Variants in HDAC9 observed in about 807,000 individuals in gnomAD.
HDAC9 encodes histone deacetylase 9.
In HDAC9, 41 loss-of-function variants were observed where a neutral mutation model predicts 139.4. The observed-to-expected ratio is 0.29, with a 90% CI of 0.23 to 0.38. The LOEUF is 0.38. HDAC9 is among the 10% of genes least tolerant of loss of function. The probability of loss-of-function intolerance (pLI) is 1.00; values close to 1 mark genes in which losing one functional copy is unlikely to be tolerated. For synonymous variants in HDAC9, 517 were observed against 476.2 expected (o/e 1.09, Z -1.12); for missense variants, 1,147 against 1,297.0 (o/e 0.88, Z 1.78).
chr7:18,723,624 T>G (rs1463313005), intron 12 of HDAC9, among the ~76,000 whole-genome samples: 1 of 152,182 alleles, frequency 6.6e-6, no homozygotes, highest in African/African-American at 2.4e-5. Flanking sequence ...TATACTATGA[T>G]GTAACATTTA....
intron 2 of HDAC9, among the ~76,000 whole-genome samples, chr7:18,168,003 A>G (rs1788123535): frequency 1.3e-5 from 2 of 152,212 alleles, no homozygotes; most frequent in African/African-American, 2.4e-5. Context: ...AAATCAGGGC[A>G]GATCAGCTCA....
At chr7:18,788,772 A>G (rs1792043845) in intron 16 of HDAC9, among the ~76,000 whole-genome samples, 1 of 141,334 alleles carries the variant, frequency 7.1e-6, no homozygotes. Flanking sequence ...AAAAAAAAAG[A>G]CCCAAATATC....
chr7:18,630,337 G>A (rs1781955593), intron 7 of HDAC9, among the ~76,000 whole-genome samples: 1 of 151,822 alleles, frequency 6.6e-6, no homozygotes, highest in Admixed American at 6.6e-5. Flanking sequence ...TACCAATGTG[G>A]GCAGTTGGTA....
chr7:18,146,980 A>G (rs1213744526), intron 1 of HDAC9, among the ~76,000 whole-genome samples: 1 of 152,192 alleles, frequency 6.6e-6, no homozygotes, highest in Admixed American at 6.5e-5. Context: ...CAAAAAGTGG[A>G]TTTATTTTTT....
At chr7:18,410,337 A>G (rs1050472225) in intron 1 of HDAC9, among the ~76,000 whole-genome samples, 3 of 152,180 alleles carry the variant, frequency 2.0e-5, no homozygotes, top group Non-Finnish European at 2.9e-5. Context: ...GGCATTGGCA[A>G]TGGACATAAT....
At chr7:18,759,069 G>C (rs1393801681) in intron 14 of HDAC9, among the ~76,000 whole-genome samples, 1 of 152,140 alleles carries the variant, frequency 6.6e-6, no homozygotes, top group Non-Finnish European at 1.5e-5. Context: ...ACATTTTAAT[G>C]GCAAGGATGG....
At chr7:18,853,856 C>G (rs1797480279) in intron 21 of HDAC9, among the ~76,000 whole-genome samples, 1 of 152,104 alleles carries the variant, frequency 6.6e-6, no homozygotes, top group South Asian at 2.1e-4. Context: ...TGGCATTTTT[C>G]TCAGAAGTTA....
At chr7:18,358,782 C>G (rs1170433761) in intron 1 of HDAC9, among the ~76,000 whole-genome samples, 1 of 152,214 alleles carries the variant, frequency 6.6e-6, no homozygotes, top group African/African-American at 2.4e-5. Flanking sequence ...ACCACTTACT[C>G]TAGCTATAAC....
intron 22 of HDAC9, among the ~76,000 whole-genome samples, chr7:18,930,631 C>G (rs1016646050): frequency 4.0e-5 from 6 of 150,900 alleles, no homozygotes; most frequent in African/African-American, 1.5e-4. Context: ...AAAAAAAATA[C>G]TGAATTGCTT....
At chr7:18,769,857 C>T (rs1790138257) in intron 16 of HDAC9, among the ~76,000 whole-genome samples, 2 of 152,120 alleles carry the variant, frequency 1.3e-5, no homozygotes, top group South Asian at 2.1e-4. Flanking sequence ...TGGAAATTAC[C>T]GAAATGACTT....
chr7:18,314,405 T>C (rs1799507189), intron 1 of HDAC9, among the ~76,000 whole-genome samples: 1 of 152,210 alleles, frequency 6.6e-6, no homozygotes, highest in Admixed American at 6.5e-5. Flanking sequence ...AGATAAATTA[T>C]AAATTAGACT....
At chr7:18,286,443 A>C (rs1464442059), upstream of HDAC9, among the ~76,000 whole-genome samples, 1 of 148,106 alleles carries the variant, frequency 6.8e-6, no homozygotes, top group Admixed American at 6.7e-5. Flanking sequence ...AGTTTATATA[A>C]ATGTGTGTTT....
chr7:18,404,443 G>A (rs1787826976), intron 1 of HDAC9, among the ~76,000 whole-genome samples: 1 of 152,194 alleles, frequency 6.6e-6, no homozygotes, highest in African/African-American at 2.4e-5. Flanking sequence ...GGAGAATTAT[G>A]CTAGGATTAC....
At chr7:18,397,755 A>G (rs763589337) in intron 1 of HDAC9, among the ~76,000 whole-genome samples, 5 of 152,196 alleles carry the variant, frequency 3.3e-5, no homozygotes, top group African/African-American at 9.6e-5. Flanking sequence ...ACAAAAAGCC[A>G]GTTGTAGTGA....
At chr7:18,448,849 T>C (rs1189119455) in intron 1 of HDAC9, among the ~76,000 whole-genome samples, 1 of 152,096 alleles carries the variant, frequency 6.6e-6, no homozygotes, top group Non-Finnish European at 1.5e-5. Context: ...GTGTTGATAG[T>C]TCAAGAAGAC....
chr7:18,226,940 C>G (rs1793094124), intron 2 of HDAC9, among the ~76,000 whole-genome samples: 1 of 152,156 alleles, frequency 6.6e-6, no homozygotes, highest in Non-Finnish European at 1.5e-5. Context: ...AGGGGACAAT[C>G]ATTCTAACTG....
chr7:18,402,959 G>A (rs1468116018), intron 1 of HDAC9, among the ~76,000 whole-genome samples: 3 of 152,104 alleles, frequency 2.0e-5, no homozygotes, highest in Non-Finnish European at 4.4e-5. Flanking sequence ...TTAAGCAAAC[G>A]CAATCACAGA....
At chr7:18,987,510 C>A (rs1484289355) in intron 25 of HDAC9, among the ~76,000 whole-genome samples, 43 of 152,148 alleles carry the variant, frequency 2.8e-4, no homozygotes, top group Admixed American at 4.6e-4. Flanking sequence ...TTCATCAAGG[C>A]TATTGGTCTA....
At chr7:18,530,919 T>C (rs897229600) in intron 2 of HDAC9, among the ~76,000 whole-genome samples, 5 of 151,720 alleles carry the variant, frequency 3.3e-5, no homozygotes, top group Non-Finnish European at 4.4e-5. Flanking sequence ...TGAAAAGAAA[T>C]TATCCTCTAT....
Sources: gnomAD v4.1 joint callset for allele counts (sites outside exome capture counted in the v4.1 genomes callset) on GRCh38, gnomAD v4.1.1 for gene constraint, MANE v1.5 for transcripts, NCBI Gene and HGNC (gene_info 2026-07-23, HGNC 2026-07-21) for gene names.